The following ARHGAP6 variants were observed in gnomAD, a reference collection of about 807,000 sequenced individuals.
ARHGAP6 encodes the protein rho GTPase-activating protein 6.
A neutral mutation model predicts 55.7 loss-of-function variants in ARHGAP6; 16 were observed. That is an observed-to-expected ratio of 0.29 (90% CI 0.19 to 0.44). ARHGAP6 has a LOEUF of 0.44. ARHGAP6 is among the 20% of genes least tolerant of loss of function. The probability of loss-of-function intolerance (pLI) is 1.00; values close to 1 mark genes in which losing one functional copy is unlikely to be tolerated. For missense variants in ARHGAP6, 698 were observed against 808.9 expected (o/e 0.86, Z 1.66); for synonymous variants, 382 against 360.9 (o/e 1.06, Z -0.66).
chrX:11,518,336 G>T (rs1473171168), intron 1 of ARHGAP6, among the ~76,000 whole-genome samples: 1 of 110,284 alleles, frequency 9.1e-6, no homozygotes, highest in Non-Finnish European at 1.9e-5. Flanking sequence ...GTAGAGATGG[G>T]GTCTTCTATG....
intron 1 of ARHGAP6, among the ~76,000 whole-genome samples, chrX:11,459,920 TA>T (rs748206502): frequency 0.01 from 1,108 of 110,115 alleles, 27 homozygotes; most frequent in East Asian, 0.062. Flanking sequence ...GAATTAGTGT[TA>T]AAAAAAAAGT....
At chrX:11,588,063 G>A (rs1020975377) in intron 1 of ARHGAP6, among the ~76,000 whole-genome samples, 2 of 112,007 alleles carry the variant, frequency 1.8e-5, no homozygotes, top group Non-Finnish European at 3.8e-5. Flanking sequence ...AGATGTGTTT[G>A]CCATTTATGG....
chrX:11,593,554 C>A (rs1368315440), intron 1 of ARHGAP6, among the ~76,000 whole-genome samples: 1 of 111,428 alleles, frequency 9.0e-6, no homozygotes, highest in African/African-American at 3.3e-5. Flanking sequence ...TGTACAACAC[C>A]AAGAGTGAAC....
rs770643772 is a variant in ARHGAP6 at position 11,139,247 on chromosome X, G to A, written c.2541C>T (p.His847=). ...SEQYLTLSGA[H]DLSESELDVA... ...CATCCAGCTCACTCTCGCTGAGGTC[G>A]TGGGCGCCGCTCAGGGTCAAGTACT... The change falls in exon 13 of 13, where the codon CAC becomes CAT. Residue 847 remains histidine, a synonymous_variant. Coordinates refer to ENST00000337414, the MANE Select transcript of ARHGAP6 (RefSeq NM_013427.3). 18 of 1,197,782 alleles carry A rather than the reference G, an allele frequency of 1.5e-5. No homozygotes were observed. Among genetic ancestry groups the A allele is most frequent in the East Asian group, 3.0e-5 (1 of 33,036 alleles).
chrX:11,579,535 T>A (rs1358041643), intron 1 of ARHGAP6, among the ~76,000 whole-genome samples: 1 of 112,298 alleles, frequency 8.9e-6, no homozygotes, highest in Non-Finnish European at 1.9e-5. Context: ...AGAAATAACA[T>A]CTTGATTAAC....
chrX:11,570,014 G>A (rs2051494037), intron 1 of ARHGAP6, among the ~76,000 whole-genome samples: 2 of 112,266 alleles, frequency 1.8e-5, no homozygotes, highest in Non-Finnish European at 3.8e-5. Context: ...TCTCAAGTCT[G>A]GAGTATAAGT....
chrX:11,563,452 A>G (rs1250059639), intron 1 of ARHGAP6, among the ~76,000 whole-genome samples: 1 of 111,966 alleles, frequency 8.9e-6, no homozygotes, highest in East Asian at 2.8e-4. Context: ...TTTCAATTGT[A>G]TGAAATCTCA....
chrX:11,583,720 C>T (rs923072547), intron 1 of ARHGAP6, among the ~76,000 whole-genome samples: 1 of 111,078 alleles, frequency 9.0e-6, no homozygotes, highest in African/African-American at 3.3e-5. Flanking sequence ...GGAGGTTCAA[C>T]TTTAGGAAAA....
chrX:11,263,088 ATG>A (rs1221015271), intron 1 of ARHGAP6, among the ~76,000 whole-genome samples: 1 of 110,756 alleles, frequency 9.0e-6, no homozygotes, highest in African/African-American at 3.3e-5. Context: ...ACAATCACTA[ATG>A]TTGGAGGTGG....
rs189838498 is a variant in ARHGAP6, at chrX:11,426,117, C to A, written c.589-171410G>T. 5.6e-3 allele frequency among the ~76,000 whole-genome samples: 634 copies of A among 112,318 alleles called. 3 individuals carry two copies. The highest frequency in any genetic ancestry group is 0.02 in the African/African-American group (607 of 30,917). ...TTCAAGACAAGTAACTATAGAAAAACCAGAGAAAGAGCTGTTACAGGTTCC... is the reference window on the plus strand; with the variant it reads ...TTCAAGACAAGTAACTATAGAAAAAACAGAGAAAGAGCTGTTACAGGTTCC... On this transcript the variant is annotated intron_variant, in intron 1 of 12. Transcript: ENST00000337414.
chrX:11,471,988 G>C (rs1455458415), intron 1 of ARHGAP6, among the ~76,000 whole-genome samples: 2 of 112,227 alleles, frequency 1.8e-5, no homozygotes, highest in African/African-American at 3.2e-5. Flanking sequence ...GCATTGTTCT[G>C]GGGGAGAGAC....
At chrX:11,227,161 A>G (rs2047061229) in intron 2 of ARHGAP6, among the ~76,000 whole-genome samples, 1 of 111,666 alleles carries the variant, frequency 9.0e-6, no homozygotes, top group African/African-American at 3.2e-5. Context: ...CAAGCAACTT[A>G]AGGATGATCT....
intron 1 of ARHGAP6, among the ~76,000 whole-genome samples, chrX:11,522,093 G>A (rs1345579962): frequency 3.6e-5 from 4 of 111,562 alleles, no homozygotes; most frequent in Admixed American, 9.6e-5. Context: ...ACTCAAAACC[G>A]CCCAACTACA....
At chrX:11,201,951 C>T (rs1394010472) in intron 2 of ARHGAP6, among the ~76,000 whole-genome samples, 2 of 103,186 alleles carry the variant, frequency 1.9e-5, no homozygotes, top group Admixed American at 2.2e-4. Context: ...TATGACCCTC[C>T]ACTACTGTAC....
At chrX:11,263,666 G>A (rs2047589302) in intron 1 of ARHGAP6, among the ~76,000 whole-genome samples, 1 of 111,199 alleles carries the variant, frequency 9.0e-6, no homozygotes, top group African/African-American at 3.3e-5. Flanking sequence ...AGCCAGGCAG[G>A]TTTTGGGAGC....
chrX:11,174,631 C>CTTTCTTTCTTTCTCTTTCT (rs2046167611), intron 8 of ARHGAP6, among the ~76,000 whole-genome samples: 4 of 27,080 alleles, frequency 1.5e-4, no homozygotes, highest in Non-Finnish European at 2.6e-4. Context: ...TCTTTTCTTT[C>CTTTCTTTCTTTCTCTTTCT]TTTCTTTCTT....
At chrX:11,334,390 A>AT (rs1262931814) in intron 1 of ARHGAP6, 1 of 113,241 alleles carries the variant, frequency 8.8e-6, no homozygotes, top group Non-Finnish European at 1.9e-5. Context: ...AAGCATGCCA[A>AT]TTTAGTCAGT....
chrX:11,497,332 G>A (rs1324177865), intron 1 of ARHGAP6, among the ~76,000 whole-genome samples: 1 of 111,669 alleles, frequency 9.0e-6, no homozygotes, highest in Non-Finnish European at 1.9e-5. Context: ...AGTAAAATTA[G>A]AGTAAGTCAA....
intron 1 of ARHGAP6, among the ~76,000 whole-genome samples, chrX:11,570,799 T>C (rs984503522): frequency 9.0e-6 from 1 of 111,367 alleles, no homozygotes; most frequent in Admixed American, 9.6e-5. Flanking sequence ...CTTGCTAAGG[T>C]TTGAATATTT....
Sources: gnomAD v4.1 joint callset for allele counts (sites outside exome capture counted in the v4.1 genomes callset) on GRCh38, gnomAD v4.1.1 for gene constraint, MANE v1.5 for transcripts, NCBI Gene and HGNC (gene_info 2026-07-23, HGNC 2026-07-21) for gene names.